Variants in CHST9 observed in about 807,000 individuals in gnomAD.
CHST9 encodes GalNAc-4-sulfotransferase 2.
A neutral mutation model predicts 44.4 loss-of-function variants in CHST9; 41 were observed. The ratio of observed to expected loss-of-function variants is 0.92; its 90% CI spans 0.72 to 1.20. The LOEUF (loss-of-function observed/expected upper bound fraction) is 1.20. CHST9 is among the 50% of genes most tolerant of loss of function. The pLI is 0.00. For synonymous variants in CHST9, 171 were observed against 178.4 expected (o/e 0.96, Z 0.33); for missense variants, 504 against 516.5 (o/e 0.98, Z 0.23).
At chr18:26,936,287 T>C (rs534118206) in intron 5 of CHST9, 1 of 152,206 alleles carries the variant, frequency 6.6e-6, no homozygotes, top group East Asian at 1.9e-4. Context: ...CCAGAAAATA[T>C]CAAGTTTTCA....
intron 1 of CHST9, among the ~76,000 whole-genome samples, chr18:27,149,172 G>A (rs1437934365): frequency 1.6e-5 from 2 of 122,966 alleles, no homozygotes; most frequent in African/African-American, 3.0e-5. Flanking sequence ...TTTGTCAGAT[G>A]AGTAGGTTGC....
chr18:27,070,338 C>A (rs1430777184), intron 2 of CHST9, among the ~76,000 whole-genome samples: 2 of 152,146 alleles, frequency 1.3e-5, no homozygotes, highest in East Asian at 3.9e-4. Context: ...TTATACTAAG[C>A]CTTACAAATT....
In CHST9 at chr18:27,042,863, A is replaced by G. The variant is rs77877192; in HGVS notation, c.160+5602T>C. On this transcript the variant is annotated intron_variant, in intron 3 of 5. Transcript: ENST00000618847. The stretch of plus-strand genomic sequence containing the variant: ...TTCCTTTCACATATTCCTTGAAAGA[A>G]CAAGTCTGCATTTGTCTTATATTTG... 1.2e-3 allele frequency among the ~76,000 whole-genome samples: 183 copies of G among 151,752 alleles called. 1 individual carries two copies. Among genetic ancestry groups the G allele is most frequent in the African/African-American group, 4.2e-3 (172 of 41,402 alleles).
At chr18:27,098,372 A>G (rs1012050282) in intron 2 of CHST9, among the ~76,000 whole-genome samples, 3 of 152,132 alleles carry the variant, frequency 2.0e-5, no homozygotes, top group African/African-American at 7.2e-5. Context: ...AATTAATTCA[A>G]TCATAGTGGA....
At position 26,968,133 on chromosome 18, in the gene CHST9, G is replaced by A. The variant is rs777516724; in HGVS notation, c.203-23767C>T. Among the ~76,000 whole-genome samples the A allele has an allele frequency of 2.6e-5, 4 of 152,262 alleles. No individual in the cohort carries two copies. In the East Asian group the frequency reaches 7.7e-4, roughly 29 times the overall value. The stretch of plus-strand genomic sequence containing the variant: ...TTGTGGGACTTCACCTTGTGGTCCT[G>A]TGACTCAATTCTTCTAATAAACTTT... On this transcript the variant is annotated intron_variant, in intron 4 of 5. Transcript: ENST00000618847.
chr18:26,922,970 C>T (rs1246741822), intron 5 of CHST9, among the ~76,000 whole-genome samples: 1 of 152,104 alleles, frequency 6.6e-6, no homozygotes, highest in Non-Finnish European at 1.5e-5. Flanking sequence ...CTGTATCAAG[C>T]ATATCTCCTC....
chr18:27,129,122 A>G (rs2058450440), intron 2 of CHST9, among the ~76,000 whole-genome samples: 1 of 151,498 alleles, frequency 6.6e-6, no homozygotes, highest in Admixed American at 6.5e-5. Context: ...CTGTTGGATT[A>G]GCACACACAC....
intron 1 of CHST9, among the ~76,000 whole-genome samples, chr18:27,152,272 C>T (rs1350337876): frequency 2.0e-5 from 3 of 151,588 alleles, no homozygotes; most frequent in African/African-American, 4.8e-5. Context: ...ACCCTTTGCC[C>T]TTATATTCTT....
intron 2 of CHST9, among the ~76,000 whole-genome samples, chr18:27,066,945 G>A (rs766864297): frequency 2.0e-5 from 3 of 152,024 alleles, no homozygotes; most frequent in East Asian, 1.9e-4. Context: ...AAGGCCTTAC[G>A]TTTCTGTGGT....
At chr18:27,159,450 T>C (rs1242468944) in intron 1 of CHST9, among the ~76,000 whole-genome samples, 2 of 152,192 alleles carry the variant, frequency 1.3e-5, no homozygotes, top group Non-Finnish European at 2.9e-5. Flanking sequence ...AGGGATCTGT[T>C]CTGTTCCATT....
At chr18:27,124,633 G>A (rs12958230) in intron 2 of CHST9, among the ~76,000 whole-genome samples, 47,865 of 151,970 alleles carry the variant, frequency 0.31, 8,179 homozygotes, top group Non-Finnish European at 0.39. Context: ...ACAGCATCCT[G>A]CTTTTTGGAT....
At chr18:26,975,649 G>GTGTA (rs1555673308) in intron 4 of CHST9, among the ~76,000 whole-genome samples, 12 of 126,908 alleles carry the variant, frequency 9.5e-5, no homozygotes, top group African/African-American at 2.7e-4. Context: ...ATGTATGTGT[G>GTGTA]TATATATATA....
chr18:26,978,708 T>C (rs2056655530), intron 4 of CHST9, among the ~76,000 whole-genome samples: 1 of 152,220 alleles, frequency 6.6e-6, no homozygotes, highest in African/African-American at 2.4e-5. Flanking sequence ...TTTCTTCAAC[T>C]GTAAAATGAG....
intron 2 of CHST9, among the ~76,000 whole-genome samples, chr18:27,056,784 T>G (rs2057661512): frequency 6.6e-6 from 1 of 152,210 alleles, no homozygotes; most frequent in Non-Finnish European, 1.5e-5. Context: ...ATTATAAAGT[T>G]GAGACTTTGG....
intron 2 of CHST9, among the ~76,000 whole-genome samples, chr18:27,125,103 T>C (rs9954010): frequency 0.011 from 1,602 of 152,310 alleles, 23 homozygotes; most frequent in African/African-American, 0.033. Flanking sequence ...CTACTAAATA[T>C]GTCTTTCTTA....
At chr18:27,131,000 G>A (rs12958868) in intron 2 of CHST9, among the ~76,000 whole-genome samples, 47,867 of 151,914 alleles carry the variant, frequency 0.32, 8,184 homozygotes, top group Non-Finnish European at 0.39. Context: ...AAGAAGGTAC[G>A]AAAATGAGAG....
At chr18:26,967,838 C>T (rs370515885) in intron 4 of CHST9, among the ~76,000 whole-genome samples, 5 of 152,142 alleles carry the variant, frequency 3.3e-5, no homozygotes, top group East Asian at 1.9e-4. Context: ...GCTGCCAGTG[C>T]GGCCAGAATA....
In CHST9 at chr18:27,055,285, A is replaced by G. The variant is rs546548657; in HGVS notation, c.122-6782T>C. On this transcript the variant is annotated intron_variant, in intron 2 of 5. Coordinates refer to ENST00000618847, the MANE Select transcript of CHST9 (RefSeq NM_031422.6). Reference sequence around the variant, plus strand: ...AGATAATATAATGCTAACTGCCATGAATTTTTTAATATCGTTTTTGTTTCA... The same window carrying G: ...AGATAATATAATGCTAACTGCCATGGATTTTTTAATATCGTTTTTGTTTCA... Among the ~76,000 whole-genome samples, 14 of 152,316 alleles carry G rather than the reference A, an allele frequency of 9.2e-5. No individual in the cohort carries two copies. The South Asian group carries it at 2.7e-3, about 29-fold the overall frequency.
chr18:26,917,282 T>A lies in CHST9; in HGVS notation c.309A>T (p.Arg103Ser), dbSNP rs200130032. 7.7e-5 allele frequency: 125 copies of A among 1,613,594 alleles called. No individual in the cohort carries two copies. Among genetic ancestry groups the A allele is most frequent in the Non-Finnish European group, 1.0e-4 (121 of 1,179,714 alleles). The change falls in exon 6 of 6, where the codon AGA becomes AGT. Residue 103 changes from arginine (R) to serine (S), a missense_variant. Physicochemically the swap from Arg to Ser is moderately radical, Grantham distance 110. Transcript: ENST00000618847. ...KKENLLLNSE[R>S]STRLLTKTSH... is the part of the protein sequence containing the mutation. Reference sequence around the variant, plus strand: ...TGGTCTTTGTTAAGAGCCTAGTAGATCTCTCAGAATTGAGTAGAAGATTTT... The same window carrying A: ...TGGTCTTTGTTAAGAGCCTAGTAGAACTCTCAGAATTGAGTAGAAGATTTT...
Sources: allele counts gnomAD v4.1 joint callset (sites outside exome capture counted in the v4.1 genomes callset), GRCh38; gene constraint gnomAD v4.1.1; transcripts MANE v1.5; gene names NCBI Gene and HGNC (gene_info 2026-07-23, HGNC 2026-07-21).